The following UGT1A10 variants were observed in gnomAD, a reference collection of about 807,000 sequenced individuals.
The protein encoded by UGT1A10 is UDP-glucuronosyltransferase 1A10.
UGT1A10 carries 49 observed loss-of-function variants against 45.8 expected under a neutral mutation model. The ratio of observed to expected loss-of-function variants is 1.07; its 90% CI spans 0.85 to 1.36. The LOEUF (loss-of-function observed/expected upper bound fraction) is 1.36, where lower values mean the gene tolerates loss of function less well. Among genes scored for constraint, UGT1A10 ranks in the 40% most tolerant of loss-of-function variants. UGT1A10 has a pLI of 0.00. For missense variants in UGT1A10, 745 were observed against 668.6 expected, an observed-to-expected ratio of 1.11 and a Z score of -1.26; for synonymous variants, 284 against 249.7, an observed-to-expected ratio of 1.14 and a Z score of -1.29.
intron 1 of UGT1A10, among the ~76,000 whole-genome samples, chr2:233,690,259 AC>A (rs1442048743): frequency 6.6e-6 from 1 of 152,194 alleles, no homozygotes; most frequent in Non-Finnish European, 1.5e-5. Flanking sequence ...TAAGTCTCAA[AC>A]ATTTTGCAGG....
At chr2:233,707,992 C>T (rs1304357209) in intron 1 of UGT1A10, among the ~76,000 whole-genome samples, 2 of 152,156 alleles carry the variant, frequency 1.3e-5, no homozygotes, top group Non-Finnish European at 2.9e-5. Flanking sequence ...GTTGTCTACT[C>T]GAATTATGTA....
intron 1 of UGT1A10, chr2:233,682,648 C>T: frequency 6.2e-7 from 1 of 1,613,878 alleles, no homozygotes; most frequent in South Asian, 1.1e-5. Context: ...TTCTCCAAAC[C>T]CCTGTCACGG....
chr2:233,709,581 A>G (rs981094993), intron 1 of UGT1A10, among the ~76,000 whole-genome samples: 1 of 152,230 alleles, frequency 6.6e-6, no homozygotes, highest in East Asian at 1.9e-4. Flanking sequence ...TTCAAAAAAT[A>G]TACCAGGATG....
intron 1 of UGT1A10, among the ~76,000 whole-genome samples, chr2:233,687,898 A>G (rs1431365318): frequency 6.6e-6 from 1 of 152,168 alleles, no homozygotes; most frequent in Non-Finnish European, 1.5e-5. Context: ...ATAGACTAAG[A>G]CCTTGTCTCA....
intron 1 of UGT1A10, among the ~76,000 whole-genome samples, chr2:233,653,704 C>G (rs578238928): frequency 6.6e-6 from 1 of 152,206 alleles, no homozygotes; most frequent in Non-Finnish European, 1.5e-5. Flanking sequence ...TCAAGCGATT[C>G]TCCTGCCTCA....
At chr2:233,770,241 C>G (rs1700043521) in intron 4 of UGT1A10, 1 of 152,162 alleles carries the variant, frequency 6.6e-6, no homozygotes, top group Non-Finnish European at 1.5e-5. Context: ...CTCCATGATT[C>G]CAACACTCTG....
At chr2:233,723,536 T>TTA (rs1553611580) in intron 1 of UGT1A10, among the ~76,000 whole-genome samples, 38,386 of 120,724 alleles carry the variant, frequency 0.32, 7,068 homozygotes, top group South Asian at 0.41. Flanking sequence ...TTTTTTTTTT[T>TTA]AATTTATTTT....
intron 1 of UGT1A10, chr2:233,693,561 CA>C: frequency 6.2e-7 from 1 of 1,614,208 alleles, no homozygotes; most frequent in African/African-American, 1.3e-5. Context: ...AGCAGAAGCC[CA>C]GACCCTGTGT....
chr2:233,689,927 G>A (rs547999990), intron 1 of UGT1A10: 14 of 456,506 alleles, frequency 3.1e-5, no homozygotes, highest in South Asian at 7.7e-5. Flanking sequence ...AATTTCCTTC[G>A]AAAGAACCCA....
chr2:233,721,747 T>C, intron 1 of UGT1A10: 1 of 445,298 alleles, frequency 2.2e-6, no homozygotes, highest in South Asian at 1.7e-5. Context: ...GATGAGAGAA[T>C]CTACATCTAA....
intron 1 of UGT1A10, among the ~76,000 whole-genome samples, chr2:233,728,192 C>T (rs2077688908): frequency 6.6e-6 from 1 of 152,192 alleles, no homozygotes; most frequent in Non-Finnish European, 1.5e-5. Context: ...GAACTTGGTG[C>T]TGGATTGACT....
intron 1 of UGT1A10, chr2:233,672,755 G>A (rs1373777219): frequency 1.9e-6 from 3 of 1,613,770 alleles, no homozygotes; most frequent in Non-Finnish European, 2.5e-6. Context: ...TTCATTGGTG[G>A]TATCAACTGC....
intron 1 of UGT1A10, among the ~76,000 whole-genome samples, chr2:233,661,623 T>TTTTCTTCCTTTCTTTC (rs1553602623): frequency 1.6e-5 from 2 of 123,952 alleles, no homozygotes; most frequent in Admixed American, 8.3e-5. Context: ...ACTTACTGAA[T>TTTTCTTCCTTTCTTTC]TTTCTTTCTT....
chr2:233,712,900 G>A, intron 1 of UGT1A10: 1 of 1,608,716 alleles, frequency 6.2e-7, no homozygotes, highest in Non-Finnish European at 8.5e-7. Context: ...GATTTGCTAG[G>A]TGTCTCAGTG....
At position 233,729,426 on chromosome 2, in the gene UGT1A10, C is replaced by T. The variant is rs141561137; in HGVS notation, c.856-37608C>T. On this transcript the variant is annotated intron_variant, in intron 1 of 4. Coordinates refer to ENST00000344644, the MANE Select transcript of UGT1A10 (RefSeq NM_019075.4). The stretch of plus-strand genomic sequence containing the variant: ...ATGTGCTGGGCCACACTCAACTGTA[C>T]TTTGAAACAGAACATTTTCTGAAGA... The T allele has an allele frequency of 1.1e-4, 183 of 1,613,828 alleles. 1 individual carries two copies. The African/African-American group carries it at 2.1e-3, about 19-fold the overall frequency.
At chr2:233,654,060 C>G (rs1268830514) in intron 1 of UGT1A10, among the ~76,000 whole-genome samples, 1 of 152,144 alleles carries the variant, frequency 6.6e-6, no homozygotes, top group African/African-American at 2.4e-5. Flanking sequence ...AATTAGAATT[C>G]TCCATAAGTC....
In UGT1A10 at chr2:233,742,835, A is replaced by G. The variant is rs1692114452; in HGVS notation, c.856-24199A>G. 10 of 157,840 alleles carry G rather than the reference A, an allele frequency of 6.3e-5. No individual in the cohort carries two copies. In the South Asian group the frequency reaches 1.7e-3, roughly 27 times the overall value. 9.8% of individuals were successfully genotyped at this position (157,840 alleles called of 1,614,324 possible). A position where few individuals can be genotyped will look rare whatever the true frequency, so the allele number is the denominator to read the frequency against. ...TATTATTTGTAGATTTCACCACTAC[A>G]CACTAAACAATAAAGTCAAATGATT... On this transcript the variant is annotated intron_variant, in intron 1 of 4. Coordinates refer to ENST00000344644, the MANE Select transcript of UGT1A10 (RefSeq NM_019075.4).
intron 1 of UGT1A10, chr2:233,671,952 G>T (rs1191029711): frequency 6.2e-7 from 1 of 1,612,884 alleles, no homozygotes; most frequent in Non-Finnish European, 8.5e-7. Context: ...GCACAGGGTG[G>T]ACCAGCCCCC....
At position 233,743,743 on chromosome 2, in the gene UGT1A10, G is replaced by A. The variant is rs745945267; in HGVS notation, c.856-23291G>A. On this transcript the variant is annotated intron_variant, in intron 1 of 4. Coordinates refer to ENST00000344644, the MANE Select transcript of UGT1A10 (RefSeq NM_019075.4). ...GGTCATAGATATCGCGTTTCTTGGC[G>A]TCCGACAACACCTCGTAGGCCTCGG... 19 of 1,367,226 alleles carry A rather than the reference G, an allele frequency of 1.4e-5. No individual in the cohort carries two copies. The Admixed American group carries it at 1.9e-4, about 14-fold the overall frequency. The allele number at this position is 1,367,226 out of a possible 1,614,324, so 84.7% of individuals were successfully genotyped here.
Sources: gnomAD v4.1 joint callset for allele counts (sites outside exome capture counted in the v4.1 genomes callset) on GRCh38, gnomAD v4.1.1 for gene constraint, MANE v1.5 for transcripts, NCBI Gene and HGNC (gene_info 2026-07-23, HGNC 2026-07-21) for gene names.